COBLL1: variants seen among roughly 807,000 people sequenced by gnomAD.
COBLL1 encodes cordon-bleu protein-like 1.
A neutral mutation model predicts 94.8 loss-of-function variants in COBLL1; 50 were observed. The ratio of observed to expected loss-of-function variants is 0.53; its 90% CI spans 0.42 to 0.67. The LOEUF (loss-of-function observed/expected upper bound fraction) is 0.67, where lower values mean the gene tolerates loss of function less well. Among genes scored for constraint, COBLL1 ranks in the 30% least tolerant of loss-of-function variants. The pLI is 0.00. For missense variants in COBLL1, 1,362 were observed against 1,348.7 expected (o/e 1.01, Z -0.15); for synonymous variants, 448 against 473.8 (o/e 0.95, Z 0.71).
At chr2:164,767,324 A>T (rs1467139103) in intron 2 of COBLL1, among the ~76,000 whole-genome samples, 1 of 152,230 alleles carries the variant, frequency 6.6e-6, no homozygotes, top group Admixed American at 6.5e-5. Flanking sequence ...ATCTTATGGA[A>T]AATAGTTTAG....
chr2:164,743,451 G>A, intron 3 of COBLL1: 1 of 391,336 alleles, frequency 2.6e-6, no homozygotes, highest in Non-Finnish European at 4.6e-6. Context: ...AGATATGAAA[G>A]GGTTCCAAAT....
intron 2 of COBLL1, among the ~76,000 whole-genome samples, chr2:164,801,371 G>A (rs1406844208): frequency 2.0e-5 from 3 of 147,074 alleles, no homozygotes; most frequent in South Asian, 2.2e-4. Flanking sequence ...CCCGGGAGGC[G>A]GAGCTTGCAG....
At chr2:164,817,891 G>A (rs114233088) in intron 2 of COBLL1, among the ~76,000 whole-genome samples, 71 of 152,182 alleles carry the variant, frequency 4.7e-4, no homozygotes, top group African/African-American at 1.7e-3. Flanking sequence ...TCTAAATGCT[G>A]ATCATCCTTT....
intron 1 of COBLL1, chr2:164,665,924 G>A (rs1250722608): frequency 1.3e-5 from 2 of 152,294 alleles, no homozygotes; most frequent in South Asian, 2.1e-4. Context: ...CAGATTGACA[G>A]TGCTAGTGTT....
intron 2 of COBLL1, among the ~76,000 whole-genome samples, chr2:164,828,652 C>G (rs917365912): frequency 3.3e-5 from 5 of 152,152 alleles, no homozygotes; most frequent in African/African-American, 1.2e-4. Context: ...CATACAGTAG[C>G]CACTACACAC....
chr2:164,752,141 A>C (rs1687157321), intron 2 of COBLL1, among the ~76,000 whole-genome samples: 1 of 152,226 alleles, frequency 6.6e-6, no homozygotes, highest in African/African-American at 2.4e-5. Context: ...AGTAGTTTCT[A>C]TCCAGTATCA....
intron 13 of COBLL1, among the ~76,000 whole-genome samples, chr2:164,686,271 G>A (rs905178390): frequency 1.3e-5 from 2 of 151,994 alleles, no homozygotes; most frequent in Admixed American, 6.6e-5. Flanking sequence ...AATCTGTACA[G>A]AATTACCAAA....
chr2:164,762,029 T>A (rs1292175995), intron 2 of COBLL1, among the ~76,000 whole-genome samples: 1 of 152,224 alleles, frequency 6.6e-6, no homozygotes, highest in African/African-American at 2.4e-5. Context: ...AGGCTGCTAA[T>A]CTCTAACTTA....
chr2:164,748,986 C>A (rs1237246314), intron 2 of COBLL1, among the ~76,000 whole-genome samples: 1 of 152,018 alleles, frequency 6.6e-6, no homozygotes, highest in African/African-American at 2.4e-5. Flanking sequence ...CAATTAGTGT[C>A]CTACTATTAC....
intron 2 of COBLL1, among the ~76,000 whole-genome samples, chr2:164,784,303 A>G (rs1559012827): frequency 6.6e-6 from 1 of 152,218 alleles, no homozygotes; most frequent in Non-Finnish European, 1.5e-5. Context: ...AAGTCACTCA[A>G]TAAACATGTG....
chr2:164,717,720 A>T (rs1222266291), intron 7 of COBLL1, among the ~76,000 whole-genome samples: 1 of 151,978 alleles, frequency 6.6e-6, no homozygotes, highest in Non-Finnish European at 1.5e-5. Flanking sequence ...TGCCTGGCTG[A>T]TTTATTTTAT....
In COBLL1 at chr2:164,699,499, T is replaced by C. The variant is rs1329291267; in HGVS notation, c.1461A>G (p.Gln487=). The C allele has an allele frequency of 6.3e-7, 1 of 1,586,744 alleles. No individual in the cohort carries two copies. The highest frequency in any genetic ancestry group is 1.7e-5 in the Admixed American group (1 of 59,906). The change falls in exon 11 of 14, where the codon CAA becomes CAG. Residue 487 remains glutamine (Q), a splice_region_variant and synonymous_variant. Coordinates refer to ENST00000652658, the MANE Select transcript of COBLL1 (RefSeq NM_001365672.2). ...TATCATATACTACACTGTGTGGTTC[T>C]CTGGAAGATACGACATTGTATGTTA... ...EKQETKSTDG[Q]EPHSVVYDTS...
chr2:164,671,896 G>C (rs774473861), intron 1 of COBLL1, among the ~76,000 whole-genome samples: 74 of 151,982 alleles, frequency 4.9e-4, no homozygotes, highest in Admixed American at 1.0e-3. Flanking sequence ...CATTCTGGTT[G>C]GTTTAGTGTG....
chr2:164,719,349 C>T (rs1175238736), intron 7 of COBLL1, among the ~76,000 whole-genome samples: 3 of 152,088 alleles, frequency 2.0e-5, no homozygotes, highest in Non-Finnish European at 4.4e-5. Flanking sequence ...ACTGGAATTA[C>T]GAAGTTGATG....
intron 2 of COBLL1, among the ~76,000 whole-genome samples, chr2:164,789,772 T>G (rs1171266068): frequency 1.3e-5 from 2 of 152,212 alleles, no homozygotes; most frequent in Non-Finnish European, 2.9e-5. Context: ...ACATTCTCTC[T>G]GCTGTTACCC....
At chr2:164,731,282 C>T (rs1340187813) in intron 3 of COBLL1, among the ~76,000 whole-genome samples, 1 of 152,106 alleles carries the variant, frequency 6.6e-6, no homozygotes, top group Non-Finnish European at 1.5e-5. Context: ...AAAGTAAATG[C>T]ATGAGATAAT....
At chr2:164,720,277 TA>T (rs5835990) in intron 7 of COBLL1, among the ~76,000 whole-genome samples, 97,810 of 149,870 alleles carry the variant, frequency 0.65, 33,408 homozygotes, top group African/African-American at 0.89. Flanking sequence ...GGCAACATAC[TA>T]AAAAAAAAAA....
At chr2:164,818,302 G>GTATACATATATGTATGTATACATATT (rs1684923150) in intron 2 of COBLL1, among the ~76,000 whole-genome samples, 1 of 146,802 alleles carries the variant, frequency 6.8e-6, no homozygotes, top group Non-Finnish European at 1.5e-5. Context: ...GTATACATAT[G>GTATACATATATGTATGTATACATATT]TATACATATA....
rs746984121 is a variant in COBLL1 at position 164,729,934 on chromosome 2, G to GT, written c.411dup (p.Pro138ThrfsTer15). On this transcript the variant is annotated frameshift_variant, in exon 4 of 14. Coordinates refer to ENST00000652658, the MANE Select transcript of COBLL1 (RefSeq NM_001365672.2). LOFTEE classifies it high-confidence loss of function. ...CTTACCTCTGGTATTATAGGTGTAG[G>GT]TTTTTTCTTATCCAACATTTTTGGC... The GT allele has an allele frequency of 1.2e-6, 2 of 1,613,278 alleles. No individual in the cohort carries two copies. The highest frequency in any genetic ancestry group is 1.3e-5 in the African/African-American group (1 of 74,862).
Sources: gnomAD v4.1 joint callset for allele counts (sites outside exome capture counted in the v4.1 genomes callset) on GRCh38, gnomAD v4.1.1 for gene constraint, MANE v1.5 for transcripts, NCBI Gene and HGNC (gene_info 2026-07-23, HGNC 2026-07-21) for gene names.